Variants in PLEKHM1 observed in about 807,000 individuals in gnomAD.
PLEKHM1 encodes the protein pleckstrin homology and RUN domain containing M1.
In PLEKHM1, 28 loss-of-function variants were observed where a neutral mutation model predicts 94.3. The observed-to-expected ratio is 0.30, with a 90% CI of 0.22 to 0.41. The LOEUF (loss-of-function observed/expected upper bound fraction) is 0.41, where lower values mean the gene tolerates loss of function less well. Ranked by LOEUF, PLEKHM1 falls within the 10% of genes least tolerant of loss-of-function variation. PLEKHM1 has a pLI of 1.00. For synonymous variants in PLEKHM1, 424 were observed against 581.2 expected (o/e 0.73, Z 3.89); for missense variants, 907 against 1,358.6 (o/e 0.67, Z 5.22).
intron 7 of PLEKHM1, among the ~76,000 whole-genome samples, chr17:45,451,588 C>A (rs561209163): frequency 1.3e-5 from 2 of 152,258 alleles, no homozygotes; most frequent in East Asian, 1.9e-4. Flanking sequence ...CAGCTACTAC[C>A]AGCTATTTTG....
chr17:45,479,304 G>A (rs1185059485), intron 2 of PLEKHM1, among the ~76,000 whole-genome samples: 2 of 152,066 alleles, frequency 1.3e-5, no homozygotes, highest in African/African-American at 4.8e-5. Flanking sequence ...CGGATCACGA[G>A]GTCAGAAGAT....
chr17:45,462,099 G>T (rs948123132), intron 5 of PLEKHM1, among the ~76,000 whole-genome samples: 3 of 152,074 alleles, frequency 2.0e-5, no homozygotes, highest in African/African-American at 7.2e-5. Context: ...AAACAGGGAA[G>T]GGTTGGTTTG....
intron 6 of PLEKHM1, 22 bp downstream of exon 6, chr17:45,458,147 C>T (rs373224975): frequency 1.2e-5 from 20 of 1,610,130 alleles, no homozygotes; most frequent in East Asian, 4.5e-5. Flanking sequence ...GGGACCCACC[C>T]GGGACCCTCC....
downstream of PLEKHM1, among the ~76,000 whole-genome samples, chr17:45,435,199 G>A (rs531543735): frequency 6.6e-5 from 10 of 152,326 alleles, no homozygotes; most frequent in South Asian, 2.1e-4. Flanking sequence ...TAGATTGGCA[G>A]AGGGTGCCAC....
rs146579211 is a variant in PLEKHM1, at chr17:45,477,993, C to T, written c.203G>A (p.Arg68Gln). The change falls in exon 3 of 12, where the codon CGA becomes CAA. Residue 68 changes from arginine (R) to glutamine (Q), a missense_variant. Transcript: ENST00000430334. ...FIHGLHAKHI[R>Q]AEAGGKRKKS... Reference sequence around the variant, plus strand: ...CTTCCTTTTTCCTCCGGCCTCAGCTCGGATGTGCTTGGCGTGCAGGCCATG... The same window carrying T: ...CTTCCTTTTTCCTCCGGCCTCAGCTTGGATGTGCTTGGCGTGCAGGCCATG... The T allele has an allele frequency of 4.3e-6, 7 of 1,614,102 alleles. No individual in the cohort carries two copies. Among genetic ancestry groups the T allele is most frequent in the Middle Eastern group, 1.6e-4 (1 of 6,062 alleles).
At chr17:45,434,471 G>T (rs1461760572), downstream of PLEKHM1, 1 of 152,132 alleles carries the variant, frequency 6.6e-6, no homozygotes, top group African/African-American at 2.4e-5. Flanking sequence ...TTTTAAGACA[G>T]AGTCTCACTC....
chr17:45,475,995 T>C (rs2051718659), intron 3 of PLEKHM1: 17 of 522,820 alleles, frequency 3.3e-5, no homozygotes, highest in South Asian at 2.2e-4. Flanking sequence ...AACAACAACA[T>C]AGCCAGATGT....
chr17:45,478,268 G>A, intron 2 of PLEKHM1, 121 bp from the exon 3 acceptor site: 1 of 1,156,102 alleles, frequency 8.6e-7, no homozygotes, highest in Non-Finnish European at 1.3e-6. Flanking sequence ...ATCTATGTGT[G>A]TGTCTGTAGA....
intron 6 of PLEKHM1, chr17:45,456,526 T>A (rs922524361): frequency 2.6e-5 from 4 of 152,358 alleles, no homozygotes; most frequent in Admixed American, 6.5e-5. Flanking sequence ...CTATGGGGGT[T>A]CCCTGCCCCT....
intron 5 of PLEKHM1, among the ~76,000 whole-genome samples, chr17:45,462,707 C>T (rs1318221475): frequency 6.6e-6 from 1 of 152,118 alleles, no homozygotes; most frequent in Non-Finnish European, 1.5e-5. Context: ...TAAATCATGA[C>T]CATCACAATG....
intron 5 of PLEKHM1, among the ~76,000 whole-genome samples, chr17:45,461,677 G>A (rs2051155958): frequency 6.6e-6 from 1 of 152,156 alleles, no homozygotes; most frequent in Non-Finnish European, 1.5e-5. Context: ...TGGCGAGCAG[G>A]CCTCAGGGTC....
intron 5 of PLEKHM1, among the ~76,000 whole-genome samples, chr17:45,467,823 G>A (rs1022645541): frequency 1.1e-4 from 16 of 152,084 alleles, no homozygotes; most frequent in Admixed American, 6.6e-5. Context: ...TACTAAGGAG[G>A]AAATGAAGGT....
At chr17:45,467,891 G>C (rs906942764) in intron 5 of PLEKHM1, among the ~76,000 whole-genome samples, 5 of 152,256 alleles carry the variant, frequency 3.3e-5, no homozygotes, top group Non-Finnish European at 1.5e-5. Flanking sequence ...AGTGGTTAAA[G>C]AGCTGAGACT....
chr17:45,470,426 C>T (rs1330526722), intron 4 of PLEKHM1, among the ~76,000 whole-genome samples: 1 of 152,284 alleles, frequency 6.6e-6, no homozygotes, highest in African/African-American at 2.4e-5. Flanking sequence ...GCCAGGAGTT[C>T]GAGATCAGCC....
chr17:45,475,272 A>G lies in PLEKHM1; in HGVS notation c.751T>C (p.Ser251Pro). Reference sequence around the variant, plus strand: ...GAACTGGCCGTGTCCAGGCTGAGGGAGGAGGCAGTCAGCTTCTGGTTCCTC... The same window carrying G: ...GAACTGGCCGTGTCCAGGCTGAGGGGGGAGGCAGTCAGCTTCTGGTTCCTC... ...IRRNQKLTAS[S>P]LSLDTASSSQ... The change falls in exon 4 of 12, where the codon TCC becomes CCC. Residue 251 changes from serine to proline, a missense_variant. Coordinates refer to ENST00000430334, the MANE Select transcript of PLEKHM1 (RefSeq NM_014798.3). 6.2e-7 allele frequency: 1 copy of G among 1,613,846 alleles called. No individual in the cohort carries two copies. The highest frequency in any genetic ancestry group is 2.2e-5 in the East Asian group (1 of 44,898).
At chr17:45,487,813 T>C (rs1049214476) in intron 1 of PLEKHM1, 11 of 455,968 alleles carry the variant, frequency 2.4e-5, no homozygotes, top group African/African-American at 1.2e-4. Context: ...CTTGAGGGAC[T>C]CCTCAGCCAC....
In PLEKHM1 at chr17:45,449,184, T is replaced by C. The variant is rs866540171; in HGVS notation, c.2643+1434A>G. ...GGGGAGTGCAGTCACCTGGGCCTCA[T>C]AGGGTTGGCAAAGGCAAGGATGACT... On this transcript the variant is annotated intron_variant, in intron 8 of 11. Coordinates refer to ENST00000430334, the MANE Select transcript of PLEKHM1 (RefSeq NM_014798.3). Among the ~76,000 whole-genome samples the C allele has an allele frequency of 1.1e-4, 17 of 150,926 alleles. No individual in the cohort carries two copies. In the South Asian group the frequency reaches 3.1e-3, roughly 28 times the overall value.
At chr17:45,448,978 T>C (rs2050691113) in intron 8 of PLEKHM1, among the ~76,000 whole-genome samples, 1 of 152,202 alleles carries the variant, frequency 6.6e-6, no homozygotes. Context: ...GAAAAGGGTA[T>C]ACCCCGAAAT....
intron 5 of PLEKHM1, among the ~76,000 whole-genome samples, chr17:45,466,294 G>T (rs1419195506): frequency 6.6e-6 from 1 of 152,126 alleles, no homozygotes; most frequent in African/African-American, 2.4e-5. Context: ...AATCACTAAA[G>T]CTTCTAGAAG....
Sources: gnomAD v4.1 joint callset for allele counts (sites outside exome capture counted in the v4.1 genomes callset) on GRCh38, gnomAD v4.1.1 for gene constraint, MANE v1.5 for transcripts, NCBI Gene and HGNC (gene_info 2026-07-23, HGNC 2026-07-21) for gene names.